IDE: variants seen among roughly 807,000 people sequenced by gnomAD.
IDE encodes the protein insulin-degrading enzyme.
A neutral mutation model predicts 133.2 loss-of-function variants in IDE; 58 were observed. That is an observed-to-expected ratio of 0.44 (90% CI 0.35 to 0.54). The LOEUF (loss-of-function observed/expected upper bound fraction) is 0.54. Among genes scored for constraint, IDE ranks in the 20% least tolerant of loss-of-function variants. The probability of loss-of-function intolerance (pLI) is 0.00; values close to 1 mark genes in which losing one functional copy is unlikely to be tolerated. For synonymous variants in IDE, 396 were observed against 421.3 expected, an observed-to-expected ratio of 0.94 and a Z score of 0.73; for missense variants, 981 against 1,234.0, an observed-to-expected ratio of 0.79 and a Z score of 3.07.
intron 4 of IDE, among the ~76,000 whole-genome samples, chr10:92,530,595 GT>G (rs1372029807): frequency 6.6e-6 from 1 of 152,118 alleles, no homozygotes; most frequent in African/African-American, 2.4e-5. Context: ...CCTGATATTT[GT>G]TTTTTAAAAC....
intron 1 of IDE, among the ~76,000 whole-genome samples, chr10:92,566,177 G>C (rs1297047190): frequency 7.3e-6 from 1 of 137,840 alleles, no homozygotes. Flanking sequence ...GCAACATGAC[G>C]AAATCCTGTC....
chr10:92,547,919 C>T (rs1842600581), intron 1 of IDE, among the ~76,000 whole-genome samples: 1 of 152,148 alleles, frequency 6.6e-6, no homozygotes, highest in African/African-American at 2.4e-5. Context: ...CTGGCCTCAT[C>T]TAGCTTGTTT....
intron 22 of IDE, among the ~76,000 whole-genome samples, chr10:92,457,537 C>CT (rs961752835): frequency 2.0e-5 from 3 of 152,048 alleles, no homozygotes; most frequent in Non-Finnish European, 4.4e-5. Flanking sequence ...GCCAGCAGTG[C>CT]TAAGTTGGCA....
In IDE at chr10:92,454,409, G is replaced by T; in HGVS notation, c.*35C>A. Reference sequence around the variant, plus strand: ...CTTAGGCTCTGGAAGACTCAGGAATGCATCCACTTGCACTTTCCCATGCAT... The same window carrying T: ...CTTAGGCTCTGGAAGACTCAGGAATTCATCCACTTGCACTTTCCCATGCAT... On this transcript the variant is annotated 3_prime_UTR_variant, in exon 25 of 25. Transcript: ENST00000265986. The T allele has an allele frequency of 7.5e-7, 1 of 1,337,202 alleles. No individual in the cohort carries two copies. Among genetic ancestry groups the T allele is most frequent in the Non-Finnish European group, 1.1e-6 (1 of 926,886 alleles). 82.8% of individuals were successfully genotyped at this position (1,337,202 alleles called of 1,614,324 possible).
In IDE at chr10:92,561,544, G is replaced by C. The variant is rs533842695; in HGVS notation, c.98+12378C>G. 1.1e-3 allele frequency among the ~76,000 whole-genome samples: 163 copies of C among 151,340 alleles called. 4 individuals are homozygous for C. The highest frequency in any genetic ancestry group is 2.0e-3 in the Non-Finnish European group (137 of 67,898). On this transcript the variant is annotated intron_variant, in intron 1 of 24. Transcript: ENST00000265986. ...AGGCGGGCGGATCACCTGAGGTCAGGAGTTCAAGACCATCCTGGCTAACAT... is the reference window on the plus strand; with the variant it reads ...AGGCGGGCGGATCACCTGAGGTCAGCAGTTCAAGACCATCCTGGCTAACAT...
rs745444412 is a variant in IDE at position 92,534,794 on chromosome 10, G to C, written c.284-9C>G. 1.9e-6 allele frequency: 3 copies of C among 1,600,706 alleles called. No homozygotes were observed. The highest frequency in any genetic ancestry group is 4.5e-5 in the East Asian group (2 of 44,776). On this transcript the variant is annotated splice_polypyrimidine_tract_variant and intron_variant, in intron 2 of 24. Transcript: ENST00000265986. ...AGGATCCGACAATGAACCTGAAAGAGAAAACACGTATATAATAAATCATTG... is the reference window on the plus strand; with the variant it reads ...AGGATCCGACAATGAACCTGAAAGACAAAACACGTATATAATAAATCATTG...
rs1216184547 is a variant in IDE at position 92,452,496 on chromosome 10, A to C, written c.*1948T>G. 1.3e-5 allele frequency: 2 copies of C among 152,240 alleles called. No individual in the cohort carries two copies. Among genetic ancestry groups the C allele is most frequent in the Non-Finnish European group, 2.9e-5 (2 of 68,044 alleles). 9.4% of individuals were successfully genotyped at this position (152,240 alleles called of 1,614,324 possible). On this transcript the variant is annotated 3_prime_UTR_variant, in exon 25 of 25. Coordinates refer to ENST00000265986, the MANE Select transcript of IDE (RefSeq NM_004969.4). ...CTAAATGAATCCATTAGTATGCCTG[A>C]GTGATCAACAGCAGCTCTAGATCCA...
chr10:92,550,611 AC>A (rs1842733883), intron 1 of IDE, among the ~76,000 whole-genome samples: 1 of 147,194 alleles, frequency 6.8e-6, no homozygotes, highest in Non-Finnish European at 1.5e-5. Context: ...AGATAGCGCC[AC>A]TACACTCCAG....
intron 1 of IDE, among the ~76,000 whole-genome samples, chr10:92,552,912 T>A (rs1290494559): frequency 7.4e-6 from 1 of 134,404 alleles, no homozygotes; most frequent in African/African-American, 2.9e-5. Flanking sequence ...AGTGATTGAT[T>A]CAAGGGCTAG....
chr10:92,462,102 G>A (rs955840327), intron 21 of IDE, among the ~76,000 whole-genome samples: 26 of 152,028 alleles, frequency 1.7e-4, no homozygotes, highest in African/African-American at 5.6e-4. Flanking sequence ...GATCACTCGA[G>A]GCCAGAAGTT....
At position 92,573,937 on chromosome 10, in the gene IDE, G is replaced by A. The variant is rs1030336875; in HGVS notation, c.83C>T (p.Pro28Leu). The change falls in exon 1 of 25, where the codon CCG (proline) becomes CTG (leucine). Residue 28 changes from proline to leucine, a missense_variant. Transcript: ENST00000265986. ...TTCCGCTTACCCACACAGGCGCTCC[G>A]GAGGCGGCAGGCGGGCGCCGAGGAC... ...RSVLGARLPP[P>L]ERLCGFQKKT... The A allele has an allele frequency of 1.4e-6, 2 of 1,469,106 alleles. No homozygotes were observed. Among genetic ancestry groups the A allele is most frequent in the Non-Finnish European group, 1.8e-6 (2 of 1,115,984 alleles). 91.0% of individuals were successfully genotyped at this position (1,469,106 alleles called of 1,614,324 possible).
chr10:92,551,277 T>C (rs1842764183), intron 1 of IDE, among the ~76,000 whole-genome samples: 1 of 152,212 alleles, frequency 6.6e-6, no homozygotes, highest in Non-Finnish European at 1.5e-5. Context: ...ACATACTAAA[T>C]GAAATAAGCT....
chr10:92,554,402 G>T (rs1193167521), intron 1 of IDE, among the ~76,000 whole-genome samples: 1 of 152,038 alleles, frequency 6.6e-6, no homozygotes, highest in African/African-American at 2.4e-5. Flanking sequence ...AAAACAGCTG[G>T]GCATGATGGC....
intron 11 of IDE, among the ~76,000 whole-genome samples, chr10:92,496,904 T>C (rs1847736620): frequency 2.0e-5 from 3 of 152,218 alleles, no homozygotes. Context: ...CTTTTAGAAA[T>C]GCTGGAGAAC....
intron 4 of IDE, among the ~76,000 whole-genome samples, chr10:92,531,250 T>C (rs1331248324): frequency 3.3e-5 from 5 of 152,236 alleles, no homozygotes; most frequent in Admixed American, 2.0e-4. Context: ...TACTTCCTGT[T>C]ATCCCCATTT....
At chr10:92,479,943 C>T (rs1195393648) in intron 14 of IDE, among the ~76,000 whole-genome samples, 1 of 152,108 alleles carries the variant, frequency 6.6e-6, no homozygotes, top group Admixed American at 6.5e-5. Context: ...TAGCTTATCC[C>T]TGAGTTTTCC....
intron 1 of IDE, among the ~76,000 whole-genome samples, chr10:92,551,484 C>A (rs540613040): frequency 6.7e-6 from 1 of 149,422 alleles, no homozygotes; most frequent in East Asian, 2.0e-4. Context: ...AGGAGAATTG[C>A]TTGAACCCGG....
intron 11 of IDE, among the ~76,000 whole-genome samples, chr10:92,499,130 T>C (rs948145450): frequency 2.6e-5 from 4 of 152,156 alleles, no homozygotes; most frequent in South Asian, 2.1e-4. Flanking sequence ...TGTAAGTAAA[T>C]GCATGTATCA....
At chr10:92,467,261 G>A (rs1168463839) in intron 19 of IDE, among the ~76,000 whole-genome samples, 1 of 151,966 alleles carries the variant, frequency 6.6e-6, no homozygotes, top group Non-Finnish European at 1.5e-5. Flanking sequence ...ATTTTTTGTA[G>A]AAACAAGTTC....
Sources: gnomAD v4.1 joint callset for allele counts (sites outside exome capture counted in the v4.1 genomes callset) on GRCh38, gnomAD v4.1.1 for gene constraint, MANE v1.5 for transcripts, NCBI Gene and HGNC (gene_info 2026-07-23, HGNC 2026-07-21) for gene names.